Variants in SLAMF9 observed in about 807,000 individuals in gnomAD.
SLAMF9 encodes the protein SLAM family member 9, also known as CD2 family member 10.
SLAMF9 carries 25 observed loss-of-function variants against 30.4 expected under a neutral mutation model. The observed-to-expected ratio is 0.82, with a 90% CI of 0.60 to 1.15. The LOEUF (loss-of-function observed/expected upper bound fraction) is 1.15. Among genes scored for constraint, SLAMF9 ranks in the 50% most tolerant of loss-of-function variants. SLAMF9 has a pLI of 0.00. For missense variants in SLAMF9, 344 were observed against 346.1 expected (o/e 0.99, Z 0.05); for synonymous variants, 129 against 127.2 (o/e 1.01, Z -0.09).
chr1:159,971,602 A>G, the SLAMF9 span, among the ~76,000 whole-genome samples: 2 of 152,108 alleles, frequency 1.3e-5, no homozygotes, highest in Non-Finnish European at 2.9e-5. Flanking sequence ...AGGTGAAGAG[A>G]GATATCACAT....
chr1:159,953,179 A>G, intron 2 of SLAMF9, 130 bp downstream of exon 2: 1 of 730,906 alleles, frequency 1.4e-6, no homozygotes, highest in Non-Finnish European at 2.3e-6. Flanking sequence ...CAGTATCTAG[A>G]TTGGAGACAG....
At chr1:159,960,200 G>A in the SLAMF9 span, among the ~76,000 whole-genome samples, 1 of 124,918 alleles carries the variant, frequency 8.0e-6, no homozygotes, top group African/African-American at 3.2e-5. Context: ...GGTGTGTGAT[G>A]TTCCCCATCC....
At chr1:159,976,251 C>T in the SLAMF9 span, among the ~76,000 whole-genome samples, 1 of 152,022 alleles carries the variant, frequency 6.6e-6, no homozygotes, top group African/African-American at 2.4e-5. Context: ...AAATTATGGT[C>T]CAGCCATATA....
chr1:159,955,770 A>G (rs571086806), upstream of SLAMF9, among the ~76,000 whole-genome samples: 1 of 152,346 alleles, frequency 6.6e-6, no homozygotes, highest in African/African-American at 2.4e-5. Context: ...GGGAAAAGCT[A>G]TCAAGGAGAG....
the SLAMF9 span, among the ~76,000 whole-genome samples, chr1:159,971,207 T>C: frequency 7.6e-3 from 1,158 of 152,262 alleles, 6 homozygotes; most frequent in Non-Finnish European, 0.012. Context: ...TGTTGAACTG[T>C]CTGATGGCCA....
the SLAMF9 span, among the ~76,000 whole-genome samples, chr1:159,976,477 A>G: frequency 6.6e-6 from 1 of 152,186 alleles, no homozygotes; most frequent in South Asian, 2.1e-4. Flanking sequence ...AATGTAAGGG[A>G]AGACTGGGTA....
At chr1:159,960,825 G>C in the SLAMF9 span, among the ~76,000 whole-genome samples, 3,414 of 152,282 alleles carry the variant, frequency 0.022, 55 homozygotes, top group Middle Eastern at 0.054. Flanking sequence ...GGTTGGGGGG[G>C]TGCAGCTGAG....
chr1:159,956,263 T>C (rs564617150), upstream of SLAMF9, among the ~76,000 whole-genome samples: 1 of 152,114 alleles, frequency 6.6e-6, no homozygotes, highest in African/African-American at 2.4e-5. Flanking sequence ...GCCAGGAATT[T>C]TAGACCAGCC....
At chr1:159,968,698 G>A in the SLAMF9 span, among the ~76,000 whole-genome samples, 1 of 152,178 alleles carries the variant, frequency 6.6e-6, no homozygotes, top group Admixed American at 6.5e-5. Flanking sequence ...GAGGAAAGAA[G>A]CCTGGTAGCA....
chr1:159,961,995 TAAG>T, the SLAMF9 span, among the ~76,000 whole-genome samples: 2 of 151,798 alleles, frequency 1.3e-5, no homozygotes, highest in Non-Finnish European at 2.9e-5. Context: ...CCGTCTCTAC[TAAG>T]AATACAAAAA....
chr1:159,980,230 T>C, the SLAMF9 span, among the ~76,000 whole-genome samples: 1 of 152,174 alleles, frequency 6.6e-6, no homozygotes, highest in Non-Finnish European at 1.5e-5. Flanking sequence ...CACGGTGGGC[T>C]GTGCACTTGG....
chr1:159,956,125 G>C (rs974921424), upstream of SLAMF9, among the ~76,000 whole-genome samples: 1 of 152,152 alleles, frequency 6.6e-6, no homozygotes, highest in Non-Finnish European at 1.5e-5. Context: ...GGATGAATGT[G>C]TAAAGAAATT....
the SLAMF9 span, chr1:159,973,732 G>T: frequency 1.4e-6 from 2 of 1,441,388 alleles, no homozygotes; most frequent in Non-Finnish European, 1.9e-6. Flanking sequence ...GAGAGCTACT[G>T]ATCTCTAGAG....
chr1:159,971,765 C>A, the SLAMF9 span, among the ~76,000 whole-genome samples: 16 of 152,042 alleles, frequency 1.1e-4, no homozygotes. Context: ...CTTTGCAGGA[C>A]CATTTGGGAA....
chr1:159,979,269 C>T, the SLAMF9 span, among the ~76,000 whole-genome samples: 1 of 152,202 alleles, frequency 6.6e-6, no homozygotes, highest in African/African-American at 2.4e-5. Context: ...TCACCTCTCT[C>T]TAGGACACCA....
At chr1:159,973,267 G>A in the SLAMF9 span, 1 of 794,910 alleles carries the variant, frequency 1.3e-6, no homozygotes, top group Non-Finnish European at 2.1e-6. Flanking sequence ...CTCAGTACAG[G>A]AGGTGGGAAC....
At chr1:159,981,058 C>T in the SLAMF9 span, among the ~76,000 whole-genome samples, 5 of 152,166 alleles carry the variant, frequency 3.3e-5, no homozygotes, top group Non-Finnish European at 5.9e-5. Context: ...TGAATTGTGG[C>T]CCCCAAAACT....
chr1:159,982,772 T>C, the SLAMF9 span, among the ~76,000 whole-genome samples: 1 of 152,234 alleles, frequency 6.6e-6, no homozygotes. Context: ...GGCTCACGCC[T>C]GTAATCCCAG....
upstream of SLAMF9, among the ~76,000 whole-genome samples, chr1:159,957,895 G>A (rs926770114): frequency 6.6e-6 from 1 of 152,180 alleles, no homozygotes; most frequent in Non-Finnish European, 1.5e-5. Flanking sequence ...TATCTGAGAA[G>A]CAGAAGCTGG....
Sources: allele counts gnomAD v4.1 joint callset (sites outside exome capture counted in the v4.1 genomes callset), GRCh38; gene constraint gnomAD v4.1.1; transcripts MANE v1.5; gene names NCBI Gene and HGNC (gene_info 2026-07-23, HGNC 2026-07-21).